CNTN5: variants seen among roughly 807,000 people sequenced by gnomAD.
CNTN5 encodes the protein contactin 5, also known as contactin-5.
CNTN5 carries 77 observed loss-of-function variants against 129.1 expected under a neutral mutation model. The observed-to-expected ratio is 0.60, with a 90% CI of 0.50 to 0.72. CNTN5 has a LOEUF of 0.72. CNTN5 is among the 30% of genes least tolerant of loss of function. CNTN5 has a pLI of 0.00. For missense variants in CNTN5, 1,478 were observed against 1,328.8 expected, an observed-to-expected ratio of 1.11 and a Z score of -1.75; for synonymous variants, 509 against 465.6, an observed-to-expected ratio of 1.09 and a Z score of -1.20.
At position 100,002,039 on chromosome 11, in the gene CNTN5, A is replaced by T. The variant is rs369992461; in HGVS notation, c.883A>T (p.Met295Leu). The T allele has an allele frequency of 1.3e-6, 2 of 1,585,544 alleles. No individual in the cohort carries two copies. The highest frequency in any genetic ancestry group is 1.7e-6 in the Non-Finnish European group (2 of 1,167,580). ...TPLTLRNDGV[M>L]GEYEPKIEVH... The stretch of plus-strand genomic sequence containing the variant: ...GACTATTCTTTCTTTCTAAGGTGTG[A>T]TGGGAGAATATGAGCCGAAAATTGA... The change falls in exon 9 of 25, where the codon ATG (methionine) becomes TTG (leucine). Residue 295 changes from methionine (M) to leucine (L), a missense_variant. Coordinates refer to ENST00000524871, the MANE Select transcript of CNTN5 (RefSeq NM_014361.4).
chr11:99,185,816 ATCAAAATAACG>A (rs1858320117), intron 1 of CNTN5, among the ~76,000 whole-genome samples: 1 of 144,882 alleles, frequency 6.9e-6, no homozygotes, highest in Non-Finnish European at 1.5e-5. Context: ...AAAATAACCC[ATCAAAATAACG>A]GAGAGGAAAT....
intron 1 of CNTN5, among the ~76,000 whole-genome samples, chr11:99,158,552 T>C (rs910267416): frequency 1.3e-5 from 2 of 152,112 alleles, no homozygotes; most frequent in Non-Finnish European, 2.9e-5. Context: ...TTTTTGCATA[T>C]AACAAAGGAA....
At chr11:99,211,540 C>T (rs534750314) in intron 1 of CNTN5, among the ~76,000 whole-genome samples, 3 of 147,640 alleles carry the variant, frequency 2.0e-5, no homozygotes, top group African/African-American at 7.6e-5. Flanking sequence ...AATTTTTTCT[C>T]CTCCTTTTTT....
rs550741332 is a variant in CNTN5 at position 99,936,478 on chromosome 11, G to A, written c.674-20328G>A. On this transcript the variant is annotated intron_variant, in intron 7 of 24. Coordinates refer to ENST00000524871, the MANE Select transcript of CNTN5 (RefSeq NM_014361.4). ...TTTTCAAAAGGACACTGCCTGCTAC[G>A]TGCTTAGCAACAAGTAGTCTTTTTT... Among the ~76,000 whole-genome samples, 15 of 141,588 alleles carry A rather than the reference G, an allele frequency of 1.1e-4. No individual in the cohort carries two copies. In the South Asian group the frequency reaches 1.9e-3, roughly 18 times the overall value. The allele number at this position is 141,588 out of a possible 152,430, so 92.9% of individuals were successfully genotyped here. A position where few individuals can be genotyped will look rare whatever the true frequency, so the allele number is the denominator to read the frequency against.
chr11:99,710,598 T>C (rs1591514761), intron 3 of CNTN5, among the ~76,000 whole-genome samples: 1 of 139,662 alleles, frequency 7.2e-6, no homozygotes, highest in East Asian at 2.0e-4. Context: ...TGTGTGTGTG[T>C]GTGTATGTAT....
At position 100,329,023 on chromosome 11, in the gene CNTN5, G is replaced by A. The variant is rs1442445; in HGVS notation, c.2731-11440G>A. 6.2e-3 allele frequency among the ~76,000 whole-genome samples: 947 copies of A among 152,264 alleles called. 13 individuals are homozygous for A. The highest frequency in any genetic ancestry group is 0.021 in the African/African-American group (881 of 41,568). Reference sequence around the variant, plus strand: ...TTTCAACGAGGAGGCATGCAGTCTGGGATAAGTTCTCAGTCTTGATCACTG... The same window carrying A: ...TTTCAACGAGGAGGCATGCAGTCTGAGATAAGTTCTCAGTCTTGATCACTG... On this transcript the variant is annotated intron_variant, in intron 21 of 24. Transcript: ENST00000524871.
intron 11 of CNTN5, among the ~76,000 whole-genome samples, chr11:100,070,803 T>C (rs1055999663): frequency 1.3e-5 from 2 of 152,200 alleles, no homozygotes; most frequent in Non-Finnish European, 2.9e-5. Flanking sequence ...GTAAGCATTT[T>C]AAAATTTTAA....
At chr11:99,746,086 G>C (rs760745089) in intron 3 of CNTN5, among the ~76,000 whole-genome samples, 1 of 152,186 alleles carries the variant, frequency 6.6e-6, no homozygotes, top group Non-Finnish European at 1.5e-5. Context: ...TTGCCTGCAA[G>C]TATTTTAGTT....
At chr11:99,771,424 C>T (rs766055249) in intron 3 of CNTN5, among the ~76,000 whole-genome samples, 3 of 151,914 alleles carry the variant, frequency 2.0e-5, no homozygotes, top group Admixed American at 6.6e-5. Context: ...GACACATTTA[C>T]ATATATGTAT....
intron 24 of CNTN5, 26 bp downstream of exon 24, chr11:100,350,896 T>C: frequency 4.0e-6 from 6 of 1,517,066 alleles, no homozygotes; most frequent in Non-Finnish European, 4.5e-6. Flanking sequence ...GTAGATTTAA[T>C]TTGCTGACAA....
intron 2 of CNTN5, among the ~76,000 whole-genome samples, chr11:99,456,309 G>C (rs1031202348): frequency 6.6e-6 from 1 of 152,006 alleles, no homozygotes; most frequent in Non-Finnish European, 1.5e-5. Context: ...GTTTTAGGTG[G>C]TTCTTTAGGT....
rs187110276 is a variant in CNTN5 at position 99,557,476 on chromosome 11, C to T, written c.55+1207C>T. On this transcript the variant is annotated intron_variant, in intron 3 of 24. Coordinates refer to ENST00000524871, the MANE Select transcript of CNTN5 (RefSeq NM_014361.4). ...ATTTCAAAGAACTAAACACATTCTC[C>T]TGTCAATTAAGTCTTTCCTGTATTG... Among the ~76,000 whole-genome samples, 178 of 151,396 alleles carry T rather than the reference C, an allele frequency of 1.2e-3. 6 individuals are homozygous for T. In the East Asian group the frequency reaches 0.03, roughly 25 times the overall value.
intron 16 of CNTN5, among the ~76,000 whole-genome samples, chr11:100,248,620 G>A (rs112224216): frequency 2.6e-5 from 4 of 152,162 alleles, no homozygotes; most frequent in South Asian, 2.1e-4. Context: ...AACAATAGAC[G>A]TATAAAGCAA....
rs1858187537 is a variant in CNTN5, at chr11:99,119,206, C to T, written c.-210+97936C>T. ...AGAGTGTTATATAGGTAAACCCAAGCCATGGGGTTTTGTTGTACAGATTAT... is the reference window on the plus strand; with the variant it reads ...AGAGTGTTATATAGGTAAACCCAAGTCATGGGGTTTTGTTGTACAGATTAT... On this transcript the variant is annotated intron_variant, in intron 1 of 24. Coordinates refer to ENST00000524871, the MANE Select transcript of CNTN5 (RefSeq NM_014361.4). Among the ~76,000 whole-genome samples, 5 of 152,182 alleles carry T rather than the reference C, an allele frequency of 3.3e-5. No individual in the cohort carries two copies. The South Asian group carries it at 1.0e-3, about 32-fold the overall frequency.
intron 7 of CNTN5, among the ~76,000 whole-genome samples, chr11:99,917,682 G>A (rs184871831): frequency 5.2e-4 from 79 of 152,170 alleles, no homozygotes; most frequent in Middle Eastern, 3.4e-3. Context: ...GCTGGGGAAC[G>A]TGTATTTTTA....
chr11:99,982,529 C>T (rs1441721137), intron 8 of CNTN5, among the ~76,000 whole-genome samples: 1 of 152,068 alleles, frequency 6.6e-6, no homozygotes, highest in Non-Finnish European at 1.5e-5. Flanking sequence ...GAAAAGAATA[C>T]AGGTATTATG....
intron 3 of CNTN5, among the ~76,000 whole-genome samples, chr11:99,777,885 T>A (rs1227484579): frequency 6.6e-6 from 1 of 151,866 alleles, no homozygotes; most frequent in Non-Finnish European, 1.5e-5. Flanking sequence ...ACAGATTATA[T>A]ATAATACTAC....
At chr11:99,507,828 C>G (rs1426316265) in intron 2 of CNTN5, among the ~76,000 whole-genome samples, 6 of 152,048 alleles carry the variant, frequency 3.9e-5, no homozygotes, top group Non-Finnish European at 7.4e-5. Context: ...TAGGGTAGAG[C>G]CCAGGTTTTA....
intron 6 of CNTN5, among the ~76,000 whole-genome samples, chr11:99,900,047 C>T (rs10894122): frequency 0.18 from 26,940 of 151,840 alleles, 2,582 homozygotes; most frequent in African/African-American, 0.23. Context: ...GTCTCTGTAT[C>T]GGTTGTGATG....
Sources: gnomAD v4.1 joint callset for allele counts (sites outside exome capture counted in the v4.1 genomes callset) on GRCh38, gnomAD v4.1.1 for gene constraint, MANE v1.5 for transcripts, NCBI Gene and HGNC (gene_info 2026-07-23, HGNC 2026-07-21) for gene names.